The following SHB variants were observed in gnomAD, a reference collection of about 807,000 sequenced individuals.
SHB encodes SH2 domain containing adaptor protein B.
SHB carries 20 observed loss-of-function variants against 52.3 expected under a neutral mutation model. That is an observed-to-expected ratio of 0.38 (90% CI 0.27 to 0.56). The LOEUF is 0.56. Ranked by LOEUF, SHB falls within the 20% of genes least tolerant of loss-of-function variation. The pLI is 0.71. For missense variants in SHB, 825 were observed against 723.3 expected (o/e 1.14, Z -1.61); for synonymous variants, 397 against 316.5 (o/e 1.25, Z -2.70).
intron 3 of SHB, among the ~76,000 whole-genome samples, chr9:37,961,462 C>T (rs1832691388): frequency 6.6e-6 from 1 of 152,150 alleles, no homozygotes; most frequent in South Asian, 2.1e-4. Context: ...GCAAACCCTC[C>T]CTGCTCCCCA....
chr9:38,014,976 A>C (rs1429522889), intron 2 of SHB, among the ~76,000 whole-genome samples: 1 of 152,234 alleles, frequency 6.6e-6, no homozygotes, highest in Non-Finnish European at 1.5e-5. Flanking sequence ...CAAAAAACCA[A>C]ACAAAAACCA....
intron 1 of SHB, among the ~76,000 whole-genome samples, chr9:38,047,420 T>C (rs182896845): frequency 1.3e-5 from 2 of 152,276 alleles, no homozygotes; most frequent in African/African-American, 4.8e-5. Context: ...CACCTCCCCT[T>C]CGGTGCAGAA....
chr9:37,916,339 GCA>G lies in SHB; in HGVS notation c.*3480_*3481del, dbSNP rs1037499673. Among the ~76,000 whole-genome samples the G allele has an allele frequency of 2.0e-4, 30 of 152,232 alleles. No homozygotes were observed. Among genetic ancestry groups the G allele is most frequent in the African/African-American group, 7.0e-4 (29 of 41,472 alleles). On this transcript the variant is annotated 3_prime_UTR_variant, in exon 6 of 6. Transcript: ENST00000377707. ...TGCTCTGCTGGCAGGGCTTCTACCT[GCA>G]CAGTCCCTAGGGCTGCAAGAGCAAA...
intron 5 of SHB, among the ~76,000 whole-genome samples, chr9:37,936,958 G>A (rs1379864011): frequency 6.6e-6 from 1 of 152,176 alleles, no homozygotes; most frequent in African/African-American, 2.4e-5. Flanking sequence ...ATGTCCTGTT[G>A]CTTCCCCATA....
Position 38,068,115 on chromosome 9 carries a change from G to C in SHB, c.531C>G (p.Arg177=). 2 of 1,467,084 alleles carry C rather than the reference G, an allele frequency of 1.4e-6. No homozygotes were observed. Among genetic ancestry groups the C allele is most frequent in the Non-Finnish European group, 1.8e-6 (2 of 1,121,536 alleles). The allele number at this position is 1,467,084 out of a possible 1,614,324, so 90.9% of individuals were successfully genotyped here. A position where few individuals can be genotyped will look rare whatever the true frequency, so the allele number is the denominator to read the frequency against. The stretch of plus-strand genomic sequence containing the variant: ...TGAGGCGGTGCTTGGGGGAGATGTA[G>C]CGCACCTCGGCCGGCGTGGCGGGCC... ...ERRPATPAEV[R]YISPKHRLIK... The change falls in exon 1 of 6, where the codon CGC becomes CGG. Residue 177 remains arginine, a synonymous_variant. Transcript: ENST00000377707.
intron 1 of SHB, among the ~76,000 whole-genome samples, chr9:38,025,163 C>T (rs1014434023): frequency 6.6e-6 from 1 of 152,184 alleles, no homozygotes; most frequent in East Asian, 1.9e-4. Context: ...GAAGAACCCC[C>T]CTACCTCCCC....
chr9:38,029,558 C>G (rs889131004), intron 1 of SHB, among the ~76,000 whole-genome samples: 1 of 151,494 alleles, frequency 6.6e-6, no homozygotes, highest in African/African-American at 2.4e-5. Flanking sequence ...ATGGCGTGAT[C>G]TAGGCTCACT....
chr9:37,921,239 G>A (rs1351153040), intron 5 of SHB, among the ~76,000 whole-genome samples: 1 of 152,096 alleles, frequency 6.6e-6, no homozygotes, highest in African/African-American at 2.4e-5. Flanking sequence ...CATCTCCACG[G>A]CCTCCAGCAG....
intron 1 of SHB, among the ~76,000 whole-genome samples, chr9:38,045,924 G>A (rs1284655129): frequency 6.6e-6 from 1 of 152,042 alleles, no homozygotes; most frequent in Non-Finnish European, 1.5e-5. Flanking sequence ...GTTAACATGG[G>A]TCATGATTAT....
intron 1 of SHB, among the ~76,000 whole-genome samples, chr9:38,031,311 G>A (rs1203331645): frequency 6.6e-6 from 1 of 152,054 alleles, no homozygotes. Flanking sequence ...CAGAGCGAGA[G>A]ACTATGTCTC....
rs905727760 is a variant in SHB, at chr9:38,015,378, C to T, written c.838+633G>A. The T allele has an allele frequency of 2.7e-5, 19 of 702,262 alleles. No individual in the cohort carries two copies. In the African/African-American group the frequency reaches 3.0e-4, roughly 11 times the overall value. 43.5% of individuals were successfully genotyped at this position (702,262 alleles called of 1,614,324 possible). A position where few individuals can be genotyped will look rare whatever the true frequency, so the allele number is the denominator to read the frequency against. The stretch of plus-strand genomic sequence containing the variant: ...GGCCCCCAGGATGCTGCATACCCAG[C>T]CACATTCTTCTTGACTCCACACAAT... On this transcript the variant is annotated intron_variant, in intron 2 of 5. Transcript: ENST00000377707.
chr9:37,967,398 C>G (rs540235006), intron 3 of SHB, among the ~76,000 whole-genome samples: 1 of 152,164 alleles, frequency 6.6e-6, no homozygotes, highest in Non-Finnish European at 1.5e-5. Flanking sequence ...AAGAGGGAGG[C>G]TGGCTAAGGG....
chr9:37,987,310 C>G (rs936499683), intron 2 of SHB, among the ~76,000 whole-genome samples: 2 of 152,236 alleles, frequency 1.3e-5, no homozygotes, highest in Admixed American at 1.3e-4. Flanking sequence ...GTTTAACTCT[C>G]AAGACAACCC....
At position 37,956,003 on chromosome 9, in the gene SHB, T is replaced by A; in HGVS notation, c.1106A>T (p.Asp369Val). Residue 369 changes from aspartate to valine, a missense_variant, in exon 4 of 6, where the codon GAC becomes GTC. Asp to Val is a radical substitution (Grantham distance 152). Transcript: ENST00000377707. Reference sequence around the variant, plus strand: ...AGGGGCACGAAGCTGGCGCCGCCGGTCCCGCGAAGGTGAGGGGGATGACTG... The same window carrying A: ...AGGGGCACGAAGCTGGCGCCGCCGGACCCGCGAAGGTGAGGGGGATGACTG... ...KRQSSPSPSR[D>V]RRRQLRAPGG... The A allele has an allele frequency of 6.3e-7, 1 of 1,591,432 alleles. No homozygotes were observed. The highest frequency in any genetic ancestry group is 8.5e-7 in the Non-Finnish European group (1 of 1,169,666).
chr9:37,937,593 G>A (rs1422007278), intron 5 of SHB, among the ~76,000 whole-genome samples: 2 of 152,242 alleles, frequency 1.3e-5, no homozygotes, highest in African/African-American at 4.8e-5. Context: ...GGATGGAACA[G>A]CCTCTGCTCC....
intron 4 of SHB, 79 bp downstream of exon 4, chr9:37,955,804 A>T: frequency 7.1e-7 from 1 of 1,408,510 alleles, no homozygotes; most frequent in Non-Finnish European, 9.8e-7. Flanking sequence ...GTGGATTTTT[A>T]AAAGAAGATG....
intron 1 of SHB, among the ~76,000 whole-genome samples, chr9:38,023,409 A>G (rs1222327710): frequency 1.3e-5 from 2 of 152,220 alleles, no homozygotes; most frequent in African/African-American, 4.8e-5. Flanking sequence ...TATAAAGAAA[A>G]GGCCGTGTCC....
At chr9:38,006,761 G>A (rs919121594) in intron 2 of SHB, among the ~76,000 whole-genome samples, 9 of 152,202 alleles carry the variant, frequency 5.9e-5, no homozygotes, top group African/African-American at 9.6e-5. Context: ...CCAGCAGCAC[G>A]GGGAAAACCA....
intron 1 of SHB, among the ~76,000 whole-genome samples, chr9:38,032,815 C>A (rs894156502): frequency 2.6e-5 from 4 of 152,198 alleles, no homozygotes; most frequent in South Asian, 4.1e-4. Context: ...AAGTTGTCCC[C>A]ATGGAGAGGC....
Sources: allele counts gnomAD v4.1 joint callset (sites outside exome capture counted in the v4.1 genomes callset), GRCh38; gene constraint gnomAD v4.1.1; transcripts MANE v1.5; gene names NCBI Gene and HGNC (gene_info 2026-07-23, HGNC 2026-07-21).